The following EML6 variants were observed in gnomAD, a reference collection of about 807,000 sequenced individuals.
EML6 encodes EMAP like 6, also known as echinoderm microtubule-associated protein-like 6.
Under a neutral mutation model 240.1 loss-of-function variants are expected in EML6, and 154 were observed. That is an observed-to-expected ratio of 0.64 (90% CI 0.56 to 0.73). EML6 has a LOEUF of 0.73. Ranked by LOEUF, EML6 falls within the 30% of genes least tolerant of loss-of-function variation. The pLI is 0.00. For synonymous variants in EML6, 1,148 were observed against 899.0 expected, an observed-to-expected ratio of 1.28 and a Z score of -4.95; for missense variants, 2,964 against 2,474.6, an observed-to-expected ratio of 1.20 and a Z score of -4.20.
intron 11 of EML6, among the ~76,000 whole-genome samples, chr2:54,857,758 CAG>C (rs1670464226): frequency 6.6e-6 from 1 of 151,966 alleles, no homozygotes; most frequent in African/African-American, 2.4e-5. Context: ...GCACTTCAGA[CAG>C]AGGAAACAGC....
At chr2:54,936,160 T>C (rs1448518101) in intron 28 of EML6, among the ~76,000 whole-genome samples, 1 of 152,258 alleles carries the variant, frequency 6.6e-6, no homozygotes, top group African/African-American at 2.4e-5. Flanking sequence ...GTCTACATTT[T>C]TTGTTCTTAT....
intron 2 of EML6, among the ~76,000 whole-genome samples, chr2:54,737,942 C>G (rs541463739): frequency 6.6e-6 from 1 of 152,132 alleles, no homozygotes; most frequent in South Asian, 2.1e-4. Context: ...GCTCTTCTGC[C>G]GCAGGGCCTT....
chr2:54,838,599 G>A (rs1338818431), intron 7 of EML6, among the ~76,000 whole-genome samples: 1 of 152,210 alleles, frequency 6.6e-6, no homozygotes, highest in Admixed American at 6.5e-5. Flanking sequence ...CAGGCTTCAG[G>A]ACTGTAGCAG....
intron 13 of EML6, among the ~76,000 whole-genome samples, chr2:54,866,241 G>A (rs1429560589): frequency 6.6e-6 from 1 of 152,164 alleles, no homozygotes; most frequent in African/African-American, 2.4e-5. Flanking sequence ...AACAACAGAT[G>A]GGTTTTTATA....
chr2:54,860,661 C>T (rs1435706394), intron 12 of EML6, among the ~76,000 whole-genome samples: 2 of 152,228 alleles, frequency 1.3e-5, no homozygotes, highest in Admixed American at 6.5e-5. Flanking sequence ...GCATCCTAAA[C>T]CTCCCACTTC....
intron 2 of EML6, among the ~76,000 whole-genome samples, chr2:54,754,887 G>T (rs1684331393): frequency 6.6e-6 from 1 of 152,156 alleles, no homozygotes; most frequent in Non-Finnish European, 1.5e-5. Context: ...TTGGCTACTG[G>T]CCACTTAAAA....
chr2:54,971,351 T>A lies in EML6; in HGVS notation c.*1256T>A, dbSNP rs1312814904. The A allele has an allele frequency of 6.6e-6, 1 of 152,232 alleles. No individual in the cohort carries two copies. Among genetic ancestry groups the A allele is most frequent in the Non-Finnish European group, 1.5e-5 (1 of 68,050 alleles). 9.4% of individuals were successfully genotyped at this position (152,232 alleles called of 1,614,324 possible). The stretch of plus-strand genomic sequence containing the variant: ...GTAGCTGACCAGTGACTACAGGATG[T>A]GGCTGACAGTGCTCACTGAAAGGAG... On this transcript the variant is annotated 3_prime_UTR_variant, in exon 42 of 42. Transcript: ENST00000356458.
chr2:54,767,568 G>T (rs1010116776), intron 2 of EML6, among the ~76,000 whole-genome samples: 7 of 151,116 alleles, frequency 4.6e-5, no homozygotes, highest in African/African-American at 1.2e-4. Context: ...AGCCTGCCTG[G>T]ACCTATACAG....
chr2:54,755,938 C>T (rs1667700077), intron 2 of EML6, among the ~76,000 whole-genome samples: 1 of 151,992 alleles, frequency 6.6e-6, no homozygotes, highest in South Asian at 2.1e-4. Context: ...GCTCTTCCTT[C>T]TTGTATGTAC....
chr2:54,898,328 G>C (rs1411664592), intron 21 of EML6, among the ~76,000 whole-genome samples: 4 of 151,936 alleles, frequency 2.6e-5, no homozygotes, highest in Admixed American at 1.3e-4. Context: ...AGGATCTCTG[G>C]GTCCCACAAT....
intron 2 of EML6, among the ~76,000 whole-genome samples, chr2:54,744,981 C>A (rs1683850797): frequency 6.8e-6 from 1 of 147,444 alleles, no homozygotes; most frequent in Non-Finnish European, 1.5e-5. Flanking sequence ...TGCAGGCCTT[C>A]CCAGTGAGGG....
intron 16 of EML6, 142 bp from the exon 17 acceptor site, chr2:54,879,405 A>G: frequency 1.6e-6 from 1 of 636,164 alleles, no homozygotes; most frequent in Non-Finnish European, 2.8e-6. Context: ...TACATTGTAT[A>G]ATCAAGTCAG....
chr2:54,816,932 G>A (rs1174238995), intron 4 of EML6, 47 bp downstream of exon 4: 3 of 1,188,430 alleles, frequency 2.5e-6, no homozygotes, highest in Non-Finnish European at 3.7e-6. Flanking sequence ...AACTTGGGGG[G>A]ACTTGTGATA....
chr2:54,961,184 G>GTTTTTTTTTTTTTTTT (rs575621987), intron 35 of EML6, among the ~76,000 whole-genome samples: 9 of 55,406 alleles, frequency 1.6e-4, no homozygotes, highest in East Asian at 6.3e-4. Flanking sequence ...TCAGGAAGTA[G>GTTTTTTTTTTTTTTTT]TTTTTTTTTT....
intron 26 of EML6, among the ~76,000 whole-genome samples, chr2:54,924,382 TG>T (rs11310649): frequency 0.91 from 137,773 of 151,934 alleles, 62,466 homozygotes; most frequent in South Asian, 0.91. Flanking sequence ...ATTTACTATT[TG>T]GGGAAGTATC....
chr2:54,843,363 A>G (rs1669564406), intron 7 of EML6, among the ~76,000 whole-genome samples: 1 of 152,020 alleles, frequency 6.6e-6, no homozygotes, highest in African/African-American at 2.4e-5. Context: ...CCGGAAGTCG[A>G]GGCTTCAGTG....
intron 5 of EML6, among the ~76,000 whole-genome samples, chr2:54,824,909 T>C (rs1366555505): frequency 6.6e-6 from 1 of 152,206 alleles, no homozygotes; most frequent in Non-Finnish European, 1.5e-5. Context: ...TACCCTAAAC[T>C]GCCACTGTTT....
intron 10 of EML6, among the ~76,000 whole-genome samples, chr2:54,852,273 G>A (rs1670132538): frequency 6.6e-6 from 1 of 152,126 alleles, no homozygotes; most frequent in Non-Finnish European, 1.5e-5. Flanking sequence ...CATTTAGTTT[G>A]TGTGATGCTA....
intron 2 of EML6, among the ~76,000 whole-genome samples, chr2:54,745,548 G>A (rs946326657): frequency 3.3e-5 from 5 of 152,162 alleles, no homozygotes; most frequent in Non-Finnish European, 5.9e-5. Flanking sequence ...AGGCTGAGAG[G>A]GTAGGATCGC....
Sources: gnomAD v4.1 joint callset for allele counts (sites outside exome capture counted in the v4.1 genomes callset) on GRCh38, gnomAD v4.1.1 for gene constraint, MANE v1.5 for transcripts, NCBI Gene and HGNC (gene_info 2026-07-23, HGNC 2026-07-21) for gene names.